PATJ: variants seen among roughly 807,000 people sequenced by gnomAD.
PATJ encodes inaD-like protein.
In PATJ, 190 loss-of-function variants were observed where a neutral mutation model predicts 224.9. That is an observed-to-expected ratio of 0.84 (90% CI 0.75 to 0.95). The LOEUF is 0.95. Ranked by LOEUF, PATJ falls within the 40% of genes least tolerant of loss-of-function variation. The pLI, the probability that PATJ is intolerant of heterozygous loss-of-function variation, is 0.00. For missense variants in PATJ, 2,121 were observed against 2,270.3 expected, an observed-to-expected ratio of 0.93 and a Z score of 1.34; for synonymous variants, 769 against 820.3, an observed-to-expected ratio of 0.94 and a Z score of 1.07.
At chr1:62,129,921 A>G (rs1239489848) in intron 41 of PATJ, among the ~76,000 whole-genome samples, 2 of 152,194 alleles carry the variant, frequency 1.3e-5, no homozygotes, top group East Asian at 1.9e-4. Context: ...CCTGGGTGAC[A>G]GAGTGAGACT....
At chr1:61,877,364 T>A (rs1374440032) in intron 21 of PATJ, among the ~76,000 whole-genome samples, 3 of 152,090 alleles carry the variant, frequency 2.0e-5, no homozygotes, top group African/African-American at 7.2e-5. Flanking sequence ...TCATCAAATG[T>A]AGACCTTTAG....
chr1:61,773,355 T>A lies in PATJ; in HGVS notation c.720+1729T>A, dbSNP rs1646725713. 2.6e-5 allele frequency among the ~76,000 whole-genome samples: 4 copies of A among 152,222 alleles called. No individual in the cohort carries two copies. In the East Asian group the frequency reaches 5.8e-4, roughly 22 times the overall value. On this transcript the variant is annotated intron_variant, in intron 6 of 43. Coordinates refer to ENST00000642238, the MANE Select transcript of PATJ (RefSeq NM_001350145.3). The stretch of plus-strand genomic sequence containing the variant: ...ATGCTTTTTATTTAAGACTGCATAG[T>A]AACTTTGCAATTTAGTGTAATAGAA...
At chr1:61,856,507 A>G (rs1663686978) in intron 18 of PATJ, among the ~76,000 whole-genome samples, 1 of 152,202 alleles carries the variant, frequency 6.6e-6, no homozygotes, top group African/African-American at 2.4e-5. Flanking sequence ...TAGTTCTACT[A>G]CTACCACTCT....
chr1:61,882,809 A>G (rs1289370071), intron 21 of PATJ, among the ~76,000 whole-genome samples: 1 of 152,190 alleles, frequency 6.6e-6, no homozygotes, highest in African/African-American at 2.4e-5. Flanking sequence ...CAAGGAGTCC[A>G]TCTGCCTCAG....
chr1:62,013,617 A>AT (rs977996327), intron 28 of PATJ: 3 of 564,138 alleles, frequency 5.3e-6, no homozygotes, highest in African/African-American at 4.1e-5. Context: ...AAGAAGAGAA[A>AT]TTTTTTTAAA....
intron 14 of PATJ, among the ~76,000 whole-genome samples, chr1:61,811,069 T>G (rs1654665397): frequency 6.6e-6 from 1 of 152,224 alleles, no homozygotes; most frequent in Non-Finnish European, 1.5e-5. Flanking sequence ...GAAAATGATC[T>G]AAAGTCCATG....
At chr1:62,073,891 T>C (rs1241970461) in intron 31 of PATJ, among the ~76,000 whole-genome samples, 1 of 152,106 alleles carries the variant, frequency 6.6e-6, no homozygotes, top group African/African-American at 2.4e-5. Flanking sequence ...TGGAAGAATT[T>C]CTATAAAATA....
chr1:61,766,600 A>G (rs544117889), intron 4 of PATJ, 127 bp downstream of exon 4: 6 of 582,272 alleles, frequency 1.0e-5, no homozygotes, highest in South Asian at 6.6e-5. Context: ...TTCTATTTTT[A>G]TATTGTTAGG....
rs541113012 is a variant in PATJ at position 62,094,205 on chromosome 1, G to A, written c.4377+9557G>A. On this transcript the variant is annotated intron_variant, in intron 33 of 43. Coordinates refer to ENST00000642238, the MANE Select transcript of PATJ (RefSeq NM_001350145.3). The stretch of plus-strand genomic sequence containing the variant: ...AGGCCCAGAGTTCAAGACCAGTTCC[G>A]GCAACATAGTAAGACCCTGTCTCTA... Among the ~76,000 whole-genome samples the A allele has an allele frequency of 1.2e-4, 18 of 152,004 alleles. No homozygotes were observed. In the South Asian group the frequency reaches 3.3e-3, roughly 28 times the overall value.
intron 27 of PATJ, among the ~76,000 whole-genome samples, chr1:61,978,051 C>A (rs898393447): frequency 6.6e-6 from 1 of 151,806 alleles, no homozygotes; most frequent in Non-Finnish European, 1.5e-5. Flanking sequence ...CCAGAAGTCA[C>A]TTTGTGCCTC....
chr1:61,820,198 T>C (rs995100635), intron 14 of PATJ, among the ~76,000 whole-genome samples: 1 of 148,740 alleles, frequency 6.7e-6, no homozygotes, highest in Non-Finnish European at 1.5e-5. Flanking sequence ...TGCCCAACCA[T>C]GCTCAGCTAA....
intron 28 of PATJ, among the ~76,000 whole-genome samples, chr1:62,000,348 T>TC (rs1321714595): frequency 1.4e-5 from 1 of 69,572 alleles, no homozygotes; most frequent in African/African-American, 6.0e-5. Context: ...GCCTCCCCCC[T>TC]CCCCCCACCC....
intron 25 of PATJ, among the ~76,000 whole-genome samples, chr1:61,912,292 C>T (rs887902063): frequency 6.6e-6 from 1 of 152,052 alleles, no homozygotes; most frequent in Non-Finnish European, 1.5e-5. Flanking sequence ...GAACATTTCT[C>T]TGCTATTTGA....
chr1:61,871,472 T>TACATATATATGCGTATATATGTATATAC (rs1557793148), intron 20 of PATJ, among the ~76,000 whole-genome samples: 2 of 98,766 alleles, frequency 2.0e-5, no homozygotes, highest in African/African-American at 7.9e-5. Context: ...TATATGTATA[T>TACATATATATGCGTATATATGTATATAC]ACATATATAT....
At chr1:61,879,662 G>C (rs1667816332) in intron 21 of PATJ, among the ~76,000 whole-genome samples, 1 of 150,706 alleles carries the variant, frequency 6.6e-6, no homozygotes, top group Non-Finnish European at 1.5e-5. Flanking sequence ...TCTTTTGCTT[G>C]GTATATTGCT....
At position 62,163,545 on chromosome 1, in the gene PATJ, T is replaced by C. The variant is rs951373529; in HGVS notation, c.*2491T>C. ...TTTCTTTATACATTATCCTTTTAGG[T>C]CGTGCTAGTAAAAGTATATTGATGA... On this transcript the variant is annotated 3_prime_UTR_variant, in exon 44 of 44. Coordinates refer to ENST00000642238, the MANE Select transcript of PATJ (RefSeq NM_001350145.3). 1.3e-5 allele frequency: 2 copies of C among 152,658 alleles called. No individual in the cohort carries two copies. The highest frequency in any genetic ancestry group is 4.8e-5 in the African/African-American group (2 of 41,458). The allele number at this position is 152,658 out of a possible 1,614,324, so 9.5% of individuals were successfully genotyped here.
At chr1:61,963,009 A>G (rs1223282582) in intron 27 of PATJ, among the ~76,000 whole-genome samples, 2 of 152,260 alleles carry the variant, frequency 1.3e-5, no homozygotes, top group African/African-American at 2.4e-5. Context: ...TAGTTACACA[A>G]ATAGTTATAA....
chr1:61,900,957 T>C (rs745676075), intron 23 of PATJ, among the ~76,000 whole-genome samples: 1 of 152,192 alleles, frequency 6.6e-6, no homozygotes, highest in Non-Finnish European at 1.5e-5. Flanking sequence ...GCTAATGTTA[T>C]GGATACAAAT....
intron 31 of PATJ, among the ~76,000 whole-genome samples, chr1:62,075,634 A>G (rs1281613299): frequency 6.6e-6 from 1 of 152,076 alleles, no homozygotes; most frequent in Non-Finnish European, 1.5e-5. Flanking sequence ...AAACACTGAC[A>G]AGGGCCGGGC....
Sources: gnomAD v4.1 joint callset for allele counts (sites outside exome capture counted in the v4.1 genomes callset) on GRCh38, gnomAD v4.1.1 for gene constraint, MANE v1.5 for transcripts, NCBI Gene and HGNC (gene_info 2026-07-23, HGNC 2026-07-21) for gene names.